The following OCIAD1 variants were observed in gnomAD, a reference collection of about 807,000 sequenced individuals.
OCIAD1 encodes the protein OCIA domain containing 1.
OCIAD1 carries 29 observed loss-of-function variants against 38.9 expected under a neutral mutation model. That is an observed-to-expected ratio of 0.74 (90% CI 0.55 to 1.02). The LOEUF (loss-of-function observed/expected upper bound fraction) is 1.02. OCIAD1 is among the 50% of genes least tolerant of loss of function. OCIAD1 has a pLI of 0.00. For missense variants in OCIAD1, 288 were observed against 289.6 expected, an observed-to-expected ratio of 0.99 and a Z score of 0.04; for synonymous variants, 110 against 92.0, an observed-to-expected ratio of 1.20 and a Z score of -1.12.
At chr4:48,831,646 T>C in intron 1 of OCIAD1, 1 of 891,816 alleles carries the variant, frequency 1.1e-6, no homozygotes, top group Non-Finnish European at 1.6e-6. Flanking sequence ...CTGGTGTTTC[T>C]AGGAAGGATG....
chr4:48,852,811 A>T lies in OCIAD1; in HGVS notation c.547+836A>T, dbSNP rs1779608412. Reference sequence around the variant, plus strand: ...AGATGAGGAATTAGAAACGGGAAATACAGGTCTGTAATTCTTTATCTAAAA... The same window carrying T: ...AGATGAGGAATTAGAAACGGGAAATTCAGGTCTGTAATTCTTTATCTAAAA... On this transcript the variant is annotated intron_variant, in intron 7 of 8. Coordinates refer to ENST00000264312, the MANE Select transcript of OCIAD1 (RefSeq NM_017830.4). Among the ~76,000 whole-genome samples, 3 of 151,876 alleles carry T rather than the reference A, an allele frequency of 2.0e-5. No individual in the cohort carries two copies. The South Asian group carries it at 6.2e-4, about 32-fold the overall frequency.
chr4:48,831,661 T>G, intron 1 of OCIAD1: 2 of 770,522 alleles, frequency 2.6e-6, no homozygotes, highest in Non-Finnish European at 3.9e-6. Flanking sequence ...AGGATGCCGT[T>G]ATGGGAAATA....
In OCIAD1 at chr4:48,851,867, TC is replaced by T; in HGVS notation, c.443del (p.Pro148GlnfsTer6). 4 of 1,613,654 alleles carry T rather than the reference TC, an allele frequency of 2.5e-6. No individual in the cohort carries two copies. The highest frequency in any genetic ancestry group is 3.4e-6 in the Non-Finnish European group (4 of 1,179,726). ...SVSGQSSFVT[S>X]PAADNIEMLP... ...GAGTGGTCAATCATCTTTTGTGACA[TC>T]CCCAGCAGCAGACAACATAGAAATG... On this transcript the variant is annotated frameshift_variant, in exon 7 of 9. Coordinates refer to ENST00000264312, the MANE Select transcript of OCIAD1 (RefSeq NM_017830.4). LOFTEE classifies it high-confidence loss of function.
At chr4:48,854,868 T>C (rs182087660) in intron 7 of OCIAD1, among the ~76,000 whole-genome samples, 1 of 152,356 alleles carries the variant, frequency 6.6e-6, no homozygotes, top group Admixed American at 6.5e-5. Context: ...CAGAGAGTTA[T>C]TAATCTTTTA....
intron 1 of OCIAD1, among the ~76,000 whole-genome samples, chr4:48,815,430 T>A (rs1466171536): frequency 6.6e-6 from 1 of 152,226 alleles, no homozygotes; most frequent in African/African-American, 2.4e-5. Flanking sequence ...GGGAGGTAAT[T>A]GTCTTGAAAC....
At chr4:48,855,460 G>C (rs573791248) in intron 7 of OCIAD1, among the ~76,000 whole-genome samples, 1 of 152,230 alleles carries the variant, frequency 6.6e-6, no homozygotes, top group East Asian at 1.9e-4. Flanking sequence ...CTAATTAGGA[G>C]AAATTTAAAT....
intron 1 of OCIAD1, among the ~76,000 whole-genome samples, chr4:48,818,654 A>G (rs1044721845): frequency 6.6e-6 from 1 of 152,194 alleles, no homozygotes; most frequent in Non-Finnish European, 1.5e-5. Flanking sequence ...TTCCTACCCA[A>G]TGCAAGGAAG....
intron 1 of OCIAD1, 42 bp downstream of exon 1, chr4:48,831,291 G>A (rs1777461255): frequency 5.6e-6 from 2 of 357,328 alleles, no homozygotes; most frequent in Non-Finnish European, 1.1e-5. Flanking sequence ...TGCCCTCCGC[G>A]TATCCCCTCA....
At chr4:48,847,125 T>G (rs957963458) in intron 4 of OCIAD1, among the ~76,000 whole-genome samples, 1 of 152,258 alleles carries the variant, frequency 6.6e-6, no homozygotes, top group African/African-American at 2.4e-5. Context: ...CTTTTATGTT[T>G]TAGCCATTGT....
Position 48,857,239 on chromosome 4 carries a change from C to T in OCIAD1, c.574C>T (p.Pro192Ser). ...QGPDPNLEES[P>S]KRKNITYEEL... The stretch of plus-strand genomic sequence containing the variant: ...ACCTGATCCCAACCTTGAAGAAAGT[C>T]CTAAAAGAAAAAATATTACATATGA... Residue 192 changes from proline to serine, a missense_variant, in exon 8 of 9, where the codon CCT becomes TCT. Physicochemically the swap from Pro to Ser is moderately conservative, Grantham distance 74 (BLOSUM62 -1). Coordinates refer to ENST00000264312, the MANE Select transcript of OCIAD1 (RefSeq NM_017830.4). 1 of 1,554,088 alleles carries T rather than the reference C, an allele frequency of 6.4e-7. No homozygotes were observed. The highest frequency in any genetic ancestry group is 1.2e-5 in the South Asian group (1 of 80,106).
intron 1 of OCIAD1, among the ~76,000 whole-genome samples, chr4:48,812,479 A>G (rs972451927): frequency 2.0e-5 from 3 of 151,868 alleles, no homozygotes; most frequent in African/African-American, 7.3e-5. Flanking sequence ...CCAGCAAAGG[A>G]AACTGAAAAA....
At chr4:48,826,601 C>T (rs1579037863), upstream of OCIAD1, among the ~76,000 whole-genome samples, 1 of 152,190 alleles carries the variant, frequency 6.6e-6, no homozygotes, top group South Asian at 2.1e-4. Flanking sequence ...AAAACAAAAA[C>T]ATTGAGGTAA....
chr4:48,810,894 CTTTTTTTTT>C (rs869120091), intron 1 of OCIAD1, among the ~76,000 whole-genome samples: 1 of 64,236 alleles, frequency 1.6e-5, no homozygotes. Flanking sequence ...TTCTTTCTTT[CTTTTTTTTT>C]TTTTTTTTTT....
intron 1 of OCIAD1, chr4:48,831,581 G>A (rs1404820827): frequency 3.9e-6 from 5 of 1,285,734 alleles, no homozygotes; most frequent in South Asian, 1.2e-5. Flanking sequence ...GTTGTTTTGT[G>A]TAAAGAACTT....
intron 1 of OCIAD1, 53 bp from the exon 2 acceptor site, chr4:48,832,567 T>G (rs1441561258): frequency 3.0e-6 from 4 of 1,326,178 alleles, no homozygotes; most frequent in Non-Finnish European, 4.4e-6. Context: ...TGATTTACTT[T>G]GACCTATCTA....
chr4:48,828,578 C>G (rs991347399), upstream of OCIAD1, among the ~76,000 whole-genome samples: 15 of 152,292 alleles, frequency 9.8e-5, no homozygotes, highest in Middle Eastern at 3.4e-3. Context: ...CAACTTCACT[C>G]CTGAGGCCAG....
intron 1 of OCIAD1, among the ~76,000 whole-genome samples, chr4:48,807,951 A>G (rs1313738113): frequency 6.6e-6 from 1 of 152,238 alleles, no homozygotes; most frequent in African/African-American, 2.4e-5. Flanking sequence ...TTGTATCAGA[A>G]TAATTTTACA....
chr4:48,819,642 T>C (rs979586023), intron 1 of OCIAD1, among the ~76,000 whole-genome samples: 9 of 142,574 alleles, frequency 6.3e-5, no homozygotes, highest in African/African-American at 2.3e-4. Flanking sequence ...GTGTGCTATA[T>C]TGAAGAGACC....
At chr4:48,827,810 G>C (rs899088508), upstream of OCIAD1, among the ~76,000 whole-genome samples, 1 of 152,204 alleles carries the variant, frequency 6.6e-6, no homozygotes, top group African/African-American at 2.4e-5. Flanking sequence ...CTGCAGCCCC[G>C]GCATGGGATC....
Sources: gnomAD v4.1 joint callset for allele counts (sites outside exome capture counted in the v4.1 genomes callset) on GRCh38, gnomAD v4.1.1 for gene constraint, MANE v1.5 for transcripts, NCBI Gene and HGNC (gene_info 2026-07-23, HGNC 2026-07-21) for gene names.